The following SUMO3 variants were observed in gnomAD, a reference collection of about 807,000 sequenced individuals.
SUMO3 encodes small ubiquitin-related modifier 3.
A neutral mutation model predicts 11.1 loss-of-function variants in SUMO3; 2 were observed. That is an observed-to-expected ratio of 0.18 (90% CI 0.07 to 0.57). SUMO3 has a LOEUF of 0.57. Ranked by LOEUF, SUMO3 falls within the 20% of genes least tolerant of loss-of-function variation. The probability of loss-of-function intolerance (pLI) is 0.92; values close to 1 mark genes in which losing one functional copy is unlikely to be tolerated. For missense variants in SUMO3, 70 were observed against 132.8 expected (o/e 0.53, Z 2.32); for synonymous variants, 56 against 53.5 (o/e 1.05, Z -0.20).
chr21:44,808,654 C>T (rs1444046804), intron 3 of SUMO3: 4 of 1,376,008 alleles, frequency 2.9e-6, no homozygotes, highest in Non-Finnish European at 2.8e-6. Context: ...GGGGTTATGG[C>T]ACATTCTGCC....
Position 44,813,960 on chromosome 21 carries a change from G to A in SUMO3, c.150+16C>T, listed in dbSNP as rs897570963. The A allele has an allele frequency of 1.9e-6, 3 of 1,608,262 alleles. No individual in the cohort carries two copies. The highest frequency in any genetic ancestry group is 3.3e-5 in the Admixed American group (2 of 60,006). ...GCGCACACGGGGAGGCTCTGCGGGG[G>A]AGCAAGGTGCCGCACCTGCCTCTCG... On this transcript the variant is annotated intron_variant, in intron 2 of 3. Coordinates refer to ENST00000332859, the MANE Select transcript of SUMO3 (RefSeq NM_006936.3).
intron 2 of SUMO3, among the ~76,000 whole-genome samples, chr21:44,809,757 G>A (rs376372327): frequency 4.6e-5 from 7 of 152,196 alleles, no homozygotes; most frequent in South Asian, 2.1e-4. Context: ...GGGGAAATGA[G>A]CCGCCAGGTG....
chr21:44,812,570 C>G (rs2083218478), intron 2 of SUMO3, among the ~76,000 whole-genome samples: 1 of 152,186 alleles, frequency 6.6e-6, no homozygotes, highest in South Asian at 2.1e-4. Flanking sequence ...TGACAAGACC[C>G]TGGAGGATGT....
At chr21:44,814,182 A>G in intron 1 of SUMO3, 78 bp from the exon 2 acceptor site, 1 of 1,565,306 alleles carries the variant, frequency 6.4e-7, no homozygotes, top group South Asian at 1.1e-5. Context: ...TCTTTAGGTA[A>G]TTGTTGGCTT....
At chr21:44,817,658 G>A (rs998293886) in intron 1 of SUMO3, among the ~76,000 whole-genome samples, 1 of 150,962 alleles carries the variant, frequency 6.6e-6, no homozygotes, top group Non-Finnish European at 1.5e-5. Flanking sequence ...GCCCGACACC[G>A]GGCGCTCAAG....
intron 1 of SUMO3, 27 bp from the exon 2 acceptor site, chr21:44,814,131 C>G (rs1313869630): frequency 6.3e-7 from 1 of 1,598,030 alleles, no homozygotes; most frequent in Middle Eastern, 1.7e-4. Context: ...AGACTGGCCT[C>G]AAAACTGTGT....
In SUMO3 at chr21:44,810,139, C is replaced by T. The variant is rs955011026; in HGVS notation, c.151-1021G>A. Reference sequence around the variant, plus strand: ...GTCAGGGGCAGAAACATTTCCTCAACGAGCAGTTTTGATTTAACTGAAACA... The same window carrying T: ...GTCAGGGGCAGAAACATTTCCTCAATGAGCAGTTTTGATTTAACTGAAACA... On this transcript the variant is annotated intron_variant, in intron 2 of 3. Coordinates refer to ENST00000332859, the MANE Select transcript of SUMO3 (RefSeq NM_006936.3). The surrounding 1 kb of genome is among the most constrained non-coding windows in gnomAD (Gnocchi z 4.1). Among the ~76,000 whole-genome samples the T allele has an allele frequency of 6.6e-6, 1 of 152,172 alleles. No homozygotes were observed. The highest frequency in any genetic ancestry group is 1.5e-5 in the Non-Finnish European group (1 of 68,028).
At position 44,807,166 on chromosome 21, in the gene SUMO3, T is replaced by G. The variant is rs1254301017; in HGVS notation, c.223-126A>C. 1 of 1,221,448 alleles carries G rather than the reference T, an allele frequency of 8.2e-7. No homozygotes were observed. The highest frequency in any genetic ancestry group is 1.5e-5 in the African/African-American group (1 of 67,212). 75.7% of individuals were successfully genotyped at this position (1,221,448 alleles called of 1,614,324 possible). ...CTAGCGACATCACCTGGTCACACCT[T>G]GGCTCTTGTCCGTCCCCTCACTGCA... On this transcript the variant is annotated intron_variant, in intron 3 of 3. Transcript: ENST00000332859. The surrounding 1 kb of genome is among the most constrained non-coding windows in gnomAD (Gnocchi z 4.3).
chr21:44,812,999 T>A lies in SUMO3; in HGVS notation c.150+977A>T, dbSNP rs573396939. On this transcript the variant is annotated intron_variant, in intron 2 of 3. Coordinates refer to ENST00000332859, the MANE Select transcript of SUMO3 (RefSeq NM_006936.3). ...GAAGCTCAGTCTCACCTTTCGCAGG[T>A]GAAAATAAGATCTGCCCTCAGCAAA... 5.1e-4 allele frequency among the ~76,000 whole-genome samples: 77 copies of A among 152,168 alleles called. No individual in the cohort carries two copies. The South Asian group carries it at 0.016, about 31-fold the overall frequency.
At position 44,810,882 on chromosome 21, in the gene SUMO3, CAGG is replaced by C. The variant is rs1429918103; in HGVS notation, c.151-1767_151-1765del. Among the ~76,000 whole-genome samples the C allele has an allele frequency of 2.0e-5, 3 of 151,990 alleles. No individual in the cohort carries two copies. The highest frequency in any genetic ancestry group is 2.1e-4 in the South Asian group (1 of 4,814). On this transcript the variant is annotated intron_variant, in intron 2 of 3. Coordinates refer to ENST00000332859, the MANE Select transcript of SUMO3 (RefSeq NM_006936.3). This position sits in a 1 kb window ranked among gnomAD's most constrained non-coding sequence, Gnocchi z 4.1. Reference sequence around the variant, plus strand: ...CAGAGGAGAACGGACAGGAAGGAGGCAGGAGAACACTCCCAACACAGGCACACA... The same window carrying C: ...CAGAGGAGAACGGACAGGAAGGAGGCAGAACACTCCCAACACAGGCACACA...
At chr21:44,812,967 G>A (rs116062579) in intron 2 of SUMO3, among the ~76,000 whole-genome samples, 175 of 152,330 alleles carry the variant, frequency 1.1e-3, no homozygotes, top group African/African-American at 3.9e-3. Context: ...CGGGACCTGC[G>A]TGTCTGGAAG....
At chr21:44,815,758 TG>T (rs1395951824) in intron 1 of SUMO3, among the ~76,000 whole-genome samples, 1 of 152,018 alleles carries the variant, frequency 6.6e-6, no homozygotes, top group African/African-American at 2.4e-5. Flanking sequence ...CGGGAGAGGC[TG>T]GGGCAGGGCA....
Position 44,809,092 on chromosome 21 carries a change from G to C in SUMO3, c.177C>G (p.Phe59Leu). The change falls in exon 3 of 4, where the codon TTC becomes TTG. Residue 59 changes from phenylalanine to leucine, a missense_variant. By Grantham distance (22) the Phe-to-Leu change is conservative. Transcript: ENST00000332859. ...RQGLSMRQIR[F>L]RFDGQPINET... ...CATTGATTGGCTGCCCGTCGAACCT[G>C]AATCTGATCTGCCTCATTGACAAGC... 1 of 1,613,992 alleles carries C rather than the reference G, an allele frequency of 6.2e-7. No homozygotes were observed. Among genetic ancestry groups the C allele is most frequent in the Non-Finnish European group, 8.5e-7 (1 of 1,179,992 alleles).
intron 2 of SUMO3, 149 bp downstream of exon 2, chr21:44,813,827 A>G (rs2146425192): frequency 1.3e-6 from 2 of 1,535,702 alleles, no homozygotes; most frequent in East Asian, 2.4e-5. Context: ...ATTTTACAGC[A>G]CAAGCCCCCG....
At chr21:44,813,296 G>T (rs2083223201) in intron 2 of SUMO3, among the ~76,000 whole-genome samples, 1 of 152,106 alleles carries the variant, frequency 6.6e-6, no homozygotes, top group South Asian at 2.1e-4. Flanking sequence ...ACACCAGGCA[G>T]CAGCTGGTGG....
At chr21:44,812,695 C>A (rs917491040) in intron 2 of SUMO3, among the ~76,000 whole-genome samples, 2 of 152,228 alleles carry the variant, frequency 1.3e-5, no homozygotes, top group Admixed American at 1.3e-4. Flanking sequence ...GAGCAGCCAG[C>A]CTCACAAGCA....
At chr21:44,812,313 C>T (rs2083217084) in intron 2 of SUMO3, among the ~76,000 whole-genome samples, 1 of 152,078 alleles carries the variant, frequency 6.6e-6, no homozygotes, top group African/African-American at 2.4e-5. Context: ...TTCCTGACCT[C>T]AAGTGATCCT....
At chr21:44,812,915 G>C (rs940776507) in intron 2 of SUMO3, among the ~76,000 whole-genome samples, 1 of 152,236 alleles carries the variant, frequency 6.6e-6, no homozygotes, top group Admixed American at 6.5e-5. Flanking sequence ...GCTGGATCAC[G>C]GGGCCTACAC....
At position 44,817,998 on chromosome 21, in the gene SUMO3, C is replaced by CG; in HGVS notation, c.-31dup. 8.6e-7 allele frequency: 1 copy of CG among 1,158,280 alleles called. No homozygotes were observed. Among genetic ancestry groups the CG allele is most frequent in the Non-Finnish European group, 1.1e-6 (1 of 945,936 alleles). The allele number at this position is 1,158,280 out of a possible 1,614,324, so 71.8% of individuals were successfully genotyped here. On this transcript the variant is annotated 5_prime_UTR_variant, in exon 1 of 4. Coordinates refer to ENST00000332859, the MANE Select transcript of SUMO3 (RefSeq NM_006936.3). ...GCGCGAGCGGCGCGGGGAGGCGGCG[C>CG]GGGGGAAGCAGCGCGGAGCGGGCGA... is the stretch of plus-strand genomic sequence containing the variant.
Sources: gnomAD v4.1 joint callset for allele counts (sites outside exome capture counted in the v4.1 genomes callset) on GRCh38, gnomAD v4.1.1 for gene constraint, Gnocchi (gnomAD v3.1) non-coding constraint, MANE v1.5 for transcripts, NCBI Gene and HGNC (gene_info 2026-07-23, HGNC 2026-07-21) for gene names.